Variants in MMP26 observed in about 807,000 individuals in gnomAD.
MMP26 encodes matrix metallopeptidase 26, also known as matrix metalloproteinase-26.
A neutral mutation model predicts 31.0 loss-of-function variants in MMP26; 33 were observed. The observed-to-expected ratio is 1.06, with a 90% CI of 0.81 to 1.42. The LOEUF (loss-of-function observed/expected upper bound fraction) is 1.42, where lower values mean the gene tolerates loss of function less well. MMP26 is among the 40% of genes most tolerant of loss of function. The pLI, the probability that MMP26 is intolerant of heterozygous loss-of-function variation, is 0.00. For missense variants in MMP26, 347 were observed against 316.1 expected (o/e 1.10, Z -0.74); for synonymous variants, 122 against 114.9 (o/e 1.06, Z -0.40).
At chr11:4,917,168 A>C (rs1851108887) in intron 2 of MMP26, among the ~76,000 whole-genome samples, 1 of 152,152 alleles carries the variant, frequency 6.6e-6, no homozygotes, top group Non-Finnish European at 1.5e-5. Context: ...TGCATGAATA[A>C]GTTATTTTTT....
intron 1 of MMP26, among the ~76,000 whole-genome samples, chr11:4,761,912 G>A (rs1470942556): frequency 6.6e-6 from 1 of 152,028 alleles, no homozygotes; most frequent in Non-Finnish European, 1.5e-5. Flanking sequence ...TCAAGTCAAG[G>A]GCTCCATGGG....
At chr11:4,833,161 T>A (rs1849669561) in intron 2 of MMP26, 1 of 152,218 alleles carries the variant, frequency 6.6e-6, no homozygotes, top group Admixed American at 6.5e-5. Context: ...TGGTTCTATT[T>A]ACTTCAAAGT....
At chr11:4,762,114 C>T (rs1432669375) in intron 1 of MMP26, among the ~76,000 whole-genome samples, 1 of 152,090 alleles carries the variant, frequency 6.6e-6, no homozygotes, top group African/African-American at 2.4e-5. Flanking sequence ...CTAAAGCAAA[C>T]CAATATTTAC....
chr11:4,729,891 G>A (rs901474644), intron 1 of MMP26, among the ~76,000 whole-genome samples: 3 of 151,880 alleles, frequency 2.0e-5, no homozygotes, highest in Admixed American at 6.6e-5. Context: ...GTGATGCATC[G>A]TAAAGTTAAG....
In MMP26 at chr11:4,952,862, T is replaced by C. The variant is rs1196955683; in HGVS notation, c.-144-35206T>C. ...ACTTGTATCTATTAAAATTTTCCAT[T>C]AATTGGGAGGTACTGTCAGCTGTGG... On this transcript the variant is annotated intron_variant, in intron 2 of 7. Coordinates refer to ENST00000380390, the MANE Select transcript of MMP26 (RefSeq NM_021801.5). Among the ~76,000 whole-genome samples, 13 of 125,106 alleles carry C rather than the reference T, an allele frequency of 1.0e-4. 3 individuals are homozygous for C. The highest frequency in any genetic ancestry group is 1.8e-5 in the Non-Finnish European group (1 of 55,270). The allele number at this position is 125,106 out of a possible 152,430, so 82.1% of individuals were successfully genotyped here.
At chr11:4,881,892 A>G (rs750510565) in intron 2 of MMP26, 16 of 1,608,556 alleles carry the variant, frequency 9.9e-6, no homozygotes, top group Non-Finnish European at 1.4e-5. Flanking sequence ...CAGTGTCTTC[A>G]ACCAACCATG....
chr11:4,965,357 C>A (rs1296336970), intron 2 of MMP26, among the ~76,000 whole-genome samples: 2 of 152,020 alleles, frequency 1.3e-5, no homozygotes, highest in Non-Finnish European at 2.9e-5. Flanking sequence ...CCTAAAGGAG[C>A]AATTTGATGA....
At chr11:4,838,232 G>A (rs1190074453) in intron 2 of MMP26, among the ~76,000 whole-genome samples, 1 of 139,230 alleles carries the variant, frequency 7.2e-6, no homozygotes, top group African/African-American at 2.6e-5. Flanking sequence ...GCAGGAGAAT[G>A]GCATGAACCC....
Position 4,769,245 on chromosome 11 carries a change from G to A in MMP26, c.-145+1904G>A, listed in dbSNP as rs114809738. On this transcript the variant is annotated intron_variant, in intron 2 of 7. Transcript: ENST00000380390. ...GGGGAGGCAATTCTGAGGACAGAGTGAATAATTAAGATATATGACAGGACA... is the reference window on the plus strand; with the variant it reads ...GGGGAGGCAATTCTGAGGACAGAGTAAATAATTAAGATATATGACAGGACA... 5,437 of 1,613,518 alleles carry A rather than the reference G, an allele frequency of 3.4e-3. 181 individuals carry two copies. The African/African-American group carries it at 0.064, about 19-fold the overall frequency.
intron 3 of MMP26, among the ~76,000 whole-genome samples, chr11:4,988,771 A>C (rs2133650065): frequency 6.6e-6 from 1 of 152,354 alleles, no homozygotes; most frequent in South Asian, 2.1e-4. Flanking sequence ...ACTTTTAAGC[A>C]TCCAAAATAC....
chr11:4,972,715 A>G (rs979329498), intron 2 of MMP26, among the ~76,000 whole-genome samples: 4 of 152,120 alleles, frequency 2.6e-5, no homozygotes, highest in African/African-American at 9.7e-5. Flanking sequence ...TGTTCATAGG[A>G]GTGGTAAGGG....
chr11:4,830,640 A>C lies in MMP26; in HGVS notation c.-145+63299A>C, dbSNP rs116293530. On this transcript the variant is annotated intron_variant, in intron 2 of 7. Coordinates refer to ENST00000380390, the MANE Select transcript of MMP26 (RefSeq NM_021801.5). ...GTGTTATTGCTTTTGTCTCTGTCAG[A>C]ATTCAGACTGTTAGCCATACCATTA... Among the ~76,000 whole-genome samples the C allele has an allele frequency of 3.7e-3, 567 of 152,332 alleles. 4 individuals carry two copies. Among genetic ancestry groups the C allele is most frequent in the African/African-American group, 0.011 (453 of 41,570 alleles).
chr11:4,862,215 C>G (rs760681905), intron 2 of MMP26, among the ~76,000 whole-genome samples: 21 of 152,116 alleles, frequency 1.4e-4, no homozygotes, highest in Non-Finnish European at 2.2e-4. Context: ...TTTGTGGGCT[C>G]TTCTTTCTTT....
intron 2 of MMP26, among the ~76,000 whole-genome samples, chr11:4,934,861 G>T (rs943277015): frequency 5.3e-5 from 8 of 151,048 alleles, no homozygotes; most frequent in South Asian, 2.1e-4. Flanking sequence ...GTTTTTCTCA[G>T]GTTTGTCAAA....
intron 2 of MMP26, chr11:4,882,328 C>A: frequency 3.7e-6 from 6 of 1,613,866 alleles, no homozygotes; most frequent in Non-Finnish European, 5.1e-6. Context: ...ACAGGATGGT[C>A]CTGGTGATAG....
chr11:4,938,563 C>T (rs1846161314), intron 2 of MMP26, among the ~76,000 whole-genome samples: 2 of 151,912 alleles, frequency 1.3e-5, no homozygotes. Context: ...AATTATCAAA[C>T]AACTTAGGCT....
intron 1 of MMP26, among the ~76,000 whole-genome samples, chr11:4,746,750 C>T (rs900219339): frequency 6.6e-6 from 1 of 151,816 alleles, no homozygotes; most frequent in Admixed American, 6.6e-5. Flanking sequence ...AGGAGAATCA[C>T]TTGAACCAGA....
intron 1 of MMP26, chr11:4,752,129 G>A (rs1589890789): frequency 1.3e-5 from 2 of 151,998 alleles, no homozygotes; most frequent in African/African-American, 4.8e-5. Flanking sequence ...TCACAGAGGG[G>A]ATGAGCAAGT....
At chr11:4,845,533 G>T (rs1052134786) in intron 2 of MMP26, among the ~76,000 whole-genome samples, 2 of 152,162 alleles carry the variant, frequency 1.3e-5, no homozygotes, top group African/African-American at 4.8e-5. Context: ...CATTGATCTG[G>T]GTAAAAATTT....
Sources: allele counts gnomAD v4.1 joint callset (sites outside exome capture counted in the v4.1 genomes callset), GRCh38; gene constraint gnomAD v4.1.1; transcripts MANE v1.5; gene names NCBI Gene and HGNC (gene_info 2026-07-23, HGNC 2026-07-21).